DLG2: variants seen among roughly 807,000 people sequenced by gnomAD.
DLG2 encodes the protein disks large homolog 2.
DLG2 carries 45 observed loss-of-function variants against 132.5 expected under a neutral mutation model. The ratio of observed to expected loss-of-function variants is 0.34; its 90% CI spans 0.27 to 0.44. The LOEUF is 0.44. Ranked by LOEUF, DLG2 falls within the 20% of genes least tolerant of loss-of-function variation. The pLI is 1.00. For synonymous variants in DLG2, 424 were observed against 419.6 expected (o/e 1.01, Z -0.13); for missense variants, 1,045 against 1,196.9 (o/e 0.87, Z 1.87).
At chr11:84,264,719 T>C (rs2154359755) in intron 7 of DLG2, among the ~76,000 whole-genome samples, 1 of 152,282 alleles carries the variant, frequency 6.6e-6, no homozygotes, top group South Asian at 2.1e-4. Flanking sequence ...CCTAACCAAC[T>C]AGAAAGGAGA....
rs1247285261 is a variant in DLG2, at chr11:84,164,567, A to C, written c.574-1056T>G. ...CAGCCAGCCCTGTTGCCTAACACAG[A>C]GCCTGGCAAGAAAATAATGAGGGAA... On this transcript the variant is annotated intron_variant, in intron 8 of 27. Transcript: ENST00000376104. Among the ~76,000 whole-genome samples the C allele has an allele frequency of 2.0e-5, 3 of 152,342 alleles. No individual in the cohort carries two copies. The East Asian group carries it at 5.8e-4, about 29-fold the overall frequency.
Position 84,398,138 on chromosome 11 carries a change from A to G in DLG2, c.519+136432T>C, listed in dbSNP as rs192496566. ...TACAATTCTTTTAACAAGTTGATAT[A>G]CAGCGCTTTGGCAACATATAACAAT... On this transcript the variant is annotated intron_variant, in intron 7 of 27. Coordinates refer to ENST00000376104, the MANE Select transcript of DLG2 (RefSeq NM_001142699.3). Among the ~76,000 whole-genome samples, 3 of 152,372 alleles carry G rather than the reference A, an allele frequency of 2.0e-5. No homozygotes were observed. The East Asian group carries it at 5.8e-4, about 29-fold the overall frequency.
At chr11:83,866,504 A>T (rs550430428) in intron 16 of DLG2, among the ~76,000 whole-genome samples, 7 of 152,272 alleles carry the variant, frequency 4.6e-5, no homozygotes, top group African/African-American at 1.7e-4. Flanking sequence ...ATGGGTGAGC[A>T]TATTATTATT....
At chr11:85,128,820 T>C (rs538988164) in intron 5 of DLG2, among the ~76,000 whole-genome samples, 60 of 152,304 alleles carry the variant, frequency 3.9e-4, no homozygotes, top group African/African-American at 1.4e-3. Flanking sequence ...TGACTTCATT[T>C]ACCTCAATGA....
intron 4 of DLG2, among the ~76,000 whole-genome samples, chr11:85,209,739 C>G (rs1009478813): frequency 2.2e-4 from 34 of 151,722 alleles, no homozygotes; most frequent in Non-Finnish European, 1.8e-4. Flanking sequence ...CATAACCAGC[C>G]TAGAAAGCAG....
chr11:83,730,767 G>C lies in DLG2; in HGVS notation c.1825+55923C>G, dbSNP rs527889788. 7.9e-5 allele frequency among the ~76,000 whole-genome samples: 12 copies of C among 152,196 alleles called. No individual in the cohort carries two copies. The South Asian group carries it at 1.2e-3, about 16-fold the overall frequency. On this transcript the variant is annotated intron_variant, in intron 18 of 27. Transcript: ENST00000376104. ...CTTCTCTAAAAATTTGCTGTTTCTC[G>C]TTGAAGATGTTACATAAGCTGAATT... is the stretch of plus-strand genomic sequence containing the variant.
At chr11:83,773,866 T>A (rs2094488355) in intron 18 of DLG2, among the ~76,000 whole-genome samples, 1 of 152,234 alleles carries the variant, frequency 6.6e-6, no homozygotes, top group Non-Finnish European at 1.5e-5. Flanking sequence ...GAGGTTACTT[T>A]CTACTGGAAA....
At chr11:84,642,826 A>T (rs937838986) in intron 6 of DLG2, among the ~76,000 whole-genome samples, 4 of 146,880 alleles carry the variant, frequency 2.7e-5, no homozygotes, top group African/African-American at 1.1e-4. Context: ...CTGAGAAATG[A>T]CACAAAGAAA....
chr11:83,851,957 G>A (rs1171640470), intron 16 of DLG2, among the ~76,000 whole-genome samples: 2 of 151,572 alleles, frequency 1.3e-5, no homozygotes, highest in African/African-American at 4.8e-5. Flanking sequence ...TGTGAAGACA[G>A]AGATACACCA....
At chr11:85,601,540 C>G (rs921880163) in intron 2 of DLG2, among the ~76,000 whole-genome samples, 5 of 152,084 alleles carry the variant, frequency 3.3e-5, no homozygotes, top group African/African-American at 1.2e-4. Flanking sequence ...AGGGTTTCAC[C>G]ACGTTGGCCA....
rs2093917752 is a variant in DLG2 at position 84,121,583 on chromosome 11, A to G, written c.625-22536T>C. ...TTTTTTTTTTTTTTTTTTTTTTGAG[A>G]CGGAGTCTCGCTCTGTGGCCCAGGC... On this transcript the variant is annotated intron_variant, in intron 9 of 27. Coordinates refer to ENST00000376104, the MANE Select transcript of DLG2 (RefSeq NM_001142699.3). Among the ~76,000 whole-genome samples, 2 of 55,568 alleles carry G rather than the reference A, an allele frequency of 3.6e-5. 1 individual carries two copies. The highest frequency in any genetic ancestry group is 6.1e-5 in the Non-Finnish European group (2 of 33,000). 36.5% of individuals were successfully genotyped at this position (55,568 alleles called of 152,430 possible).
chr11:83,901,357 T>C (rs2073373965), intron 15 of DLG2, among the ~76,000 whole-genome samples: 1 of 152,162 alleles, frequency 6.6e-6, no homozygotes. Flanking sequence ...TGATATGGTT[T>C]GACTCCGTGT....
rs116347709 is a variant in DLG2, at chr11:85,243,010, G to A, written c.186+42210C>T. Among the ~76,000 whole-genome samples the A allele has an allele frequency of 2.1e-3, 319 of 151,984 alleles. 2 individuals are homozygous for A. The highest frequency in any genetic ancestry group is 7.4e-3 in the African/African-American group (309 of 41,502). On this transcript the variant is annotated intron_variant, in intron 4 of 27. Transcript: ENST00000376104. ...TACCATGGTAACGATCCAGGCATTT[G>A]GTGTCCTAAGGCAAAAGCAGAGGAG...
chr11:84,297,670 G>C (rs752599808), intron 7 of DLG2, among the ~76,000 whole-genome samples: 4 of 151,870 alleles, frequency 2.6e-5, no homozygotes, highest in Non-Finnish European at 5.9e-5. Flanking sequence ...ATCATCTCAT[G>C]TCTTTGTTTA....
intron 4 of DLG2, among the ~76,000 whole-genome samples, chr11:85,282,239 A>C (rs2152754811): frequency 6.6e-6 from 1 of 151,894 alleles, no homozygotes; most frequent in Admixed American, 6.6e-5. Flanking sequence ...TAAAGAAGAG[A>C]TGGATAATGG....
At chr11:85,078,750 T>C (rs1236623781) in intron 6 of DLG2, among the ~76,000 whole-genome samples, 6 of 152,044 alleles carry the variant, frequency 3.9e-5, no homozygotes, top group African/African-American at 7.2e-5. Context: ...TAAACCTTCA[T>C]AGGTTAAGAT....
chr11:84,790,597 G>C (rs920943766), intron 6 of DLG2, among the ~76,000 whole-genome samples: 1 of 152,008 alleles, frequency 6.6e-6, no homozygotes, highest in Non-Finnish European at 1.5e-5. Flanking sequence ...TGATGTGATT[G>C]CATTTGTCCA....
intron 3 of DLG2, among the ~76,000 whole-genome samples, chr11:85,315,847 C>T (rs1409445160): frequency 6.6e-6 from 1 of 151,910 alleles, no homozygotes; most frequent in African/African-American, 2.4e-5. Flanking sequence ...TCACCTCTCT[C>T]AATCAGAGGA....
At chr11:83,865,627 C>T (rs1170269001) in intron 16 of DLG2, among the ~76,000 whole-genome samples, 9 of 151,830 alleles carry the variant, frequency 5.9e-5, no homozygotes, top group African/African-American at 1.5e-4. Context: ...AAAGATGCAG[C>T]AGTGGCAATG....
Sources: allele counts gnomAD v4.1 joint callset (sites outside exome capture counted in the v4.1 genomes callset), GRCh38; gene constraint gnomAD v4.1.1; transcripts MANE v1.5; gene names NCBI Gene and HGNC (gene_info 2026-07-23, HGNC 2026-07-21).